ZDHHC15: variants seen among roughly 807,000 people sequenced by gnomAD.
ZDHHC15 encodes the protein palmitoyltransferase ZDHHC15.
ZDHHC15 carries 19 observed loss-of-function variants against 31.7 expected under a neutral mutation model. That is an observed-to-expected ratio of 0.60 (90% confidence interval 0.42 to 0.88). ZDHHC15 has a LOEUF of 0.88. ZDHHC15 is among the 40% of genes least tolerant of loss of function. The probability of loss-of-function intolerance (pLI) is 0.00; values close to 1 mark genes in which losing one functional copy is unlikely to be tolerated. For missense variants in ZDHHC15, 209 were observed against 251.2 expected, an observed-to-expected ratio of 0.83 and a Z score of 1.14; for synonymous variants, 103 against 90.0, an observed-to-expected ratio of 1.14 and a Z score of -0.82.
chrX:75,408,546 G>A (rs2083446008), intron 10 of ZDHHC15, among the ~76,000 whole-genome samples: 2 of 112,161 alleles, frequency 1.8e-5, no homozygotes, highest in Admixed American at 1.9e-4. Flanking sequence ...GGAACAAGAT[G>A]AGGAGGCCCA....
At position 75,451,430 on chromosome X, in the gene ZDHHC15, G is replaced by A. The variant is rs1231534614; in HGVS notation, c.259-508C>T. On this transcript the variant is annotated intron_variant, in intron 3 of 11. Coordinates refer to ENST00000373367, the MANE Select transcript of ZDHHC15 (RefSeq NM_144969.3). Reference sequence around the variant, plus strand: ...TGCATATTCTAATCTTGTAAATAAGGGGAAATTTAGATATTCTCACTATTG... The same window carrying A: ...TGCATATTCTAATCTTGTAAATAAGAGGAAATTTAGATATTCTCACTATTG... 2.5e-4 allele frequency among the ~76,000 whole-genome samples: 28 copies of A among 112,188 alleles called. No individual in the cohort carries two copies. In the Admixed American group the frequency reaches 2.7e-3, roughly 11 times the overall value.
intron 11 of ZDHHC15, among the ~76,000 whole-genome samples, chrX:75,375,791 T>C (rs2083053686): frequency 8.9e-6 from 1 of 112,364 alleles, no homozygotes; most frequent in Admixed American, 9.5e-5. Context: ...TACCACATTT[T>C]CTTTGTCTAG....
intron 10 of ZDHHC15, among the ~76,000 whole-genome samples, chrX:75,413,966 C>A (rs1354575788): frequency 9.0e-6 from 1 of 111,401 alleles, no homozygotes; most frequent in Non-Finnish European, 1.9e-5. Flanking sequence ...AGATGCCACC[C>A]ATCCAATTTG....
chrX:75,487,281 C>T (rs1333557170), intron 2 of ZDHHC15, among the ~76,000 whole-genome samples: 1 of 112,508 alleles, frequency 8.9e-6, no homozygotes, highest in African/African-American at 3.2e-5. Context: ...GTCCACTTCA[C>T]TCCCCTGCCA....
intron 10 of ZDHHC15, among the ~76,000 whole-genome samples, chrX:75,407,631 GT>G (rs2083433914): frequency 9.0e-6 from 1 of 110,613 alleles, no homozygotes; most frequent in Admixed American, 9.4e-5. Flanking sequence ...CGTCTGGGAG[GT>G]GGGGGGCGCC....
chrX:75,410,464 A>G (rs750702294), intron 10 of ZDHHC15, among the ~76,000 whole-genome samples: 13 of 112,616 alleles, frequency 1.2e-4, no homozygotes, highest in African/African-American at 4.2e-4. Flanking sequence ...TGTTTCTCAC[A>G]AGAAGACATA....
At chrX:75,392,229 G>C in intron 10 of ZDHHC15, among the ~76,000 whole-genome samples, 1 of 111,770 alleles carries the variant, frequency 8.9e-6, no homozygotes, top group Non-Finnish European at 1.9e-5. Context: ...GAAGAACTTG[G>C]AGTCCAACAT....
intron 1 of ZDHHC15, among the ~76,000 whole-genome samples, chrX:75,506,706 G>T (rs1033053487): frequency 2.7e-5 from 3 of 112,226 alleles, no homozygotes; most frequent in Non-Finnish European, 5.6e-5. Flanking sequence ...GTCAACCTGG[G>T]ACTTCATGAT....
intron 2 of ZDHHC15, among the ~76,000 whole-genome samples, chrX:75,482,207 C>T (rs1213541114): frequency 1.8e-5 from 2 of 110,754 alleles, no homozygotes; most frequent in African/African-American, 3.3e-5. Context: ...TCAATTGTAC[C>T]CCAAATCTCA....
chrX:75,442,632 G>C (rs2083958861), intron 4 of ZDHHC15, among the ~76,000 whole-genome samples: 2 of 111,885 alleles, frequency 1.8e-5, no homozygotes, highest in African/African-American at 6.5e-5. Context: ...ACAAACTACT[G>C]CTCAATGAAA....
intron 3 of ZDHHC15, among the ~76,000 whole-genome samples, chrX:75,470,833 T>C (rs2084493278): frequency 9.0e-6 from 1 of 111,490 alleles, no homozygotes; most frequent in South Asian, 3.8e-4. Context: ...AGGGTTATTA[T>C]GGTGGGAAAG....
intron 10 of ZDHHC15, among the ~76,000 whole-genome samples, chrX:75,414,593 C>T (rs1473256152): frequency 7.0e-5 from 2 of 28,669 alleles, no homozygotes; most frequent in Admixed American, 7.0e-4. Context: ...CCACGTCTGG[C>T]TATTTTTTTT....
chrX:75,440,228 GT>G (rs2083919407), intron 4 of ZDHHC15, among the ~76,000 whole-genome samples: 1 of 110,692 alleles, frequency 9.0e-6, no homozygotes, highest in African/African-American at 3.3e-5. Flanking sequence ...GGAATTAGCT[GT>G]TGTTTTCTCC....
chrX:75,489,702 A>T (rs190040981), intron 2 of ZDHHC15, among the ~76,000 whole-genome samples: 3 of 112,644 alleles, frequency 2.7e-5, no homozygotes, highest in African/African-American at 3.2e-5. Context: ...CTCCAAAGGA[A>T]TGCAGCTCCT....
intron 10 of ZDHHC15, among the ~76,000 whole-genome samples, chrX:75,390,030 T>C (rs765065172): frequency 1.9e-5 from 2 of 104,882 alleles, no homozygotes; most frequent in African/African-American, 7.0e-5. Context: ...CATACCCTTA[T>C]TGAAGAGCCC....
At chrX:75,483,015 A>ATG (rs1491088693) in intron 2 of ZDHHC15, among the ~76,000 whole-genome samples, 1 of 100,855 alleles carries the variant, frequency 9.9e-6, no homozygotes, top group Non-Finnish European at 2.0e-5. Context: ...ATATATATAT[A>ATG]TGTATATATA....
At chrX:75,407,860 T>C (rs1371040492) in intron 10 of ZDHHC15, among the ~76,000 whole-genome samples, 1 of 112,364 alleles carries the variant, frequency 8.9e-6, no homozygotes, top group Non-Finnish European at 1.9e-5. Context: ...TTTTGTTCTG[T>C]ACTAAGAAAA....
intron 1 of ZDHHC15, among the ~76,000 whole-genome samples, chrX:75,518,777 A>G (rs868860875): frequency 5.7e-4 from 12 of 21,068 alleles, no homozygotes; most frequent in African/African-American, 1.5e-3. Flanking sequence ...TGGTATATAT[A>G]TATATATATA....
intron 3 of ZDHHC15, among the ~76,000 whole-genome samples, chrX:75,468,905 G>C (rs1192444295): frequency 9.0e-6 from 1 of 111,356 alleles, no homozygotes; most frequent in Non-Finnish European, 1.9e-5. Context: ...TTTTAAATTT[G>C]GTTGTTTGTT....
Sources: gnomAD v4.1 joint callset for allele counts (sites outside exome capture counted in the v4.1 genomes callset) on GRCh38, gnomAD v4.1.1 for gene constraint, MANE v1.5 for transcripts, NCBI Gene and HGNC (gene_info 2026-07-23, HGNC 2026-07-21) for gene names.